The following GALNT2 variants were observed in gnomAD, a reference collection of about 807,000 sequenced individuals.
GALNT2 encodes the protein UDP-GalNAc:polypeptide N-acetylgalactosaminyltransferase 2.
A neutral mutation model predicts 81.4 loss-of-function variants in GALNT2; 31 were observed. That is an observed-to-expected ratio of 0.38 (90% CI 0.29 to 0.51). GALNT2 has a LOEUF of 0.51. Among genes scored for constraint, GALNT2 ranks in the 20% least tolerant of loss-of-function variants. GALNT2 has a pLI of 0.87. For missense variants in GALNT2, 629 were observed against 765.7 expected, an observed-to-expected ratio of 0.82 and a Z score of 2.11; for synonymous variants, 303 against 287.4, an observed-to-expected ratio of 1.05 and a Z score of -0.55.
Position 230,249,347 on chromosome 1 carries a change from G to A in GALNT2, c.905+76G>A, listed in dbSNP as rs567452181. On this transcript the variant is annotated intron_variant, in intron 9 of 15. Transcript: ENST00000366672. Reference sequence around the variant, plus strand: ...CCAGCTTCTTTGCTGGGCCCGCACCGCCTGGAGACCCAGTGGGGGCTGTTC... The same window carrying A: ...CCAGCTTCTTTGCTGGGCCCGCACCACCTGGAGACCCAGTGGGGGCTGTTC... 7.4e-5 allele frequency: 98 copies of A among 1,324,104 alleles called. No homozygotes were observed. In the East Asian group the frequency reaches 1.4e-3, roughly 20 times the overall value. The allele number at this position is 1,324,104 out of a possible 1,614,324, so 82.0% of individuals were successfully genotyped here.
At chr1:230,078,824 G>T (rs1370848980) in intron 1 of GALNT2, among the ~76,000 whole-genome samples, 1 of 152,116 alleles carries the variant, frequency 6.6e-6, no homozygotes, top group African/African-American at 2.4e-5. Context: ...TATTTTTAGA[G>T]TCAGGGTCTC....
intron 1 of GALNT2, among the ~76,000 whole-genome samples, chr1:230,125,963 G>T (rs1464905506): frequency 6.6e-6 from 1 of 152,224 alleles, no homozygotes; most frequent in Non-Finnish European, 1.5e-5. Context: ...TCCCCACCCA[G>T]TGCTCAGAGG....
intron 1 of GALNT2, among the ~76,000 whole-genome samples, chr1:230,107,005 C>G (rs1328782999): frequency 1.3e-5 from 2 of 152,174 alleles, no homozygotes; most frequent in African/African-American, 2.4e-5. Flanking sequence ...ACTCCCGAGT[C>G]CCGGGGCTGG....
intron 1 of GALNT2, among the ~76,000 whole-genome samples, chr1:230,081,195 G>A (rs1025140336): frequency 1.6e-4 from 25 of 152,156 alleles, no homozygotes; most frequent in African/African-American, 6.0e-4. Context: ...TTCTTCCTTG[G>A]GTGGGGAATC....
At chr1:230,225,834 G>A (rs1664693107) in intron 3 of GALNT2, among the ~76,000 whole-genome samples, 2 of 152,156 alleles carry the variant, frequency 1.3e-5, no homozygotes, top group Non-Finnish European at 2.9e-5. Context: ...TTAAAATGAA[G>A]TCTAAGAGCA....
At chr1:230,162,006 AGAC>A (rs1662450911) in intron 1 of GALNT2, among the ~76,000 whole-genome samples, 1 of 152,208 alleles carries the variant, frequency 6.6e-6, no homozygotes, top group East Asian at 1.9e-4. Flanking sequence ...TATTAAAGTA[AGAC>A]TAACCAGCAA....
intron 1 of GALNT2, among the ~76,000 whole-genome samples, chr1:230,076,348 T>G (rs1337697367): frequency 6.6e-6 from 1 of 152,260 alleles, no homozygotes; most frequent in Non-Finnish European, 1.5e-5. Context: ...AAGTGCTTTC[T>G]GCACATATTG....
chr1:230,136,632 C>T (rs543317788), intron 1 of GALNT2, among the ~76,000 whole-genome samples: 6 of 152,176 alleles, frequency 3.9e-5, no homozygotes, highest in Admixed American at 2.6e-4. Flanking sequence ...TGCTCTGCCG[C>T]GCCCCTTCAG....
intron 1 of GALNT2, among the ~76,000 whole-genome samples, chr1:230,132,477 C>T (rs922981448): frequency 6.6e-6 from 1 of 152,196 alleles, no homozygotes; most frequent in African/African-American, 2.4e-5. Context: ...AGGCTGAGTC[C>T]TGCACCCCCT....
At chr1:230,063,701 A>G (rs964112240), upstream of GALNT2, among the ~76,000 whole-genome samples, 2 of 152,216 alleles carry the variant, frequency 1.3e-5, no homozygotes, top group African/African-American at 4.8e-5. Context: ...TCAAATCCTA[A>G]TGATATACAA....
At chr1:230,059,988 G>C (rs986358362) in intron 1 of GALNT2, among the ~76,000 whole-genome samples, 7 of 152,150 alleles carry the variant, frequency 4.6e-5, no homozygotes, top group African/African-American at 1.7e-4. Flanking sequence ...TGGTATATCA[G>C]ACTATGCTAT....
intron 1 of GALNT2, among the ~76,000 whole-genome samples, chr1:230,157,323 A>T (rs1356426349): frequency 1.3e-5 from 2 of 152,194 alleles, no homozygotes; most frequent in African/African-American, 2.4e-5. Flanking sequence ...GGGGGAAAAA[A>T]AGCAAAAATG....
At chr1:230,242,110 C>T (rs927252876) in intron 6 of GALNT2, among the ~76,000 whole-genome samples, 4 of 152,198 alleles carry the variant, frequency 2.6e-5, no homozygotes, top group Non-Finnish European at 5.9e-5. Flanking sequence ...AAAAAGGCTA[C>T]ATTGCAGTGG....
intron 1 of GALNT2, among the ~76,000 whole-genome samples, chr1:230,135,757 G>C (rs1337420313): frequency 1.3e-5 from 2 of 152,084 alleles, no homozygotes; most frequent in Non-Finnish European, 2.9e-5. Flanking sequence ...GGAGTGCAGT[G>C]GTGTGGCAGC....
Position 230,236,067 on chromosome 1 carries a change from C to T in GALNT2, c.428C>T (p.Thr143Met), listed in dbSNP as rs1665018992. 1 of 1,613,990 alleles carries T rather than the reference C, an allele frequency of 6.2e-7. No individual in the cohort carries two copies. The highest frequency in any genetic ancestry group is 8.5e-7 in the Non-Finnish European group (1 of 1,180,010). The change falls in exon 4 of 16, where the codon ACG becomes ATG. Residue 143 changes from threonine (T) to methionine (M), a missense_variant. Transcript: ENST00000366672. ...VDLPATSVVI[T>M]FHNEARSALL... The stretch of plus-strand genomic sequence containing the variant: ...CTGCCGGCCACCAGCGTGGTGATCA[C>T]GTTTCACAATGAAGCCAGGTCGGCC...
At position 230,275,700 on chromosome 1, in the gene GALNT2, TATATACACACCAC is replaced by T. The variant is rs935128201; in HGVS notation, c.1560+1155_1560+1167del. ...TGTATACATATGTAAACACCACATA[TATATACACACCAC>T]ATATACACACCACATATATATATAC... is the stretch of plus-strand genomic sequence containing the variant. On this transcript the variant is annotated intron_variant, in intron 15 of 15. Coordinates refer to ENST00000366672, the MANE Select transcript of GALNT2 (RefSeq NM_004481.5). This position sits in a 1 kb window ranked among gnomAD's most constrained non-coding sequence, Gnocchi z 5.5. Among the ~76,000 whole-genome samples the T allele has an allele frequency of 4.0e-5, 6 of 149,422 alleles. No individual in the cohort carries two copies. The highest frequency in any genetic ancestry group is 7.4e-5 in the Non-Finnish European group (5 of 67,176).
At chr1:230,134,769 C>T (rs770918927) in intron 1 of GALNT2, among the ~76,000 whole-genome samples, 1 of 152,164 alleles carries the variant, frequency 6.6e-6, no homozygotes, top group Non-Finnish European at 1.5e-5. Context: ...GGTGAGGTAT[C>T]GGGGCAAGCC....
intron 1 of GALNT2, among the ~76,000 whole-genome samples, chr1:230,072,167 G>A (rs895764862): frequency 3.3e-5 from 5 of 152,206 alleles, no homozygotes; most frequent in Non-Finnish European, 5.9e-5. Flanking sequence ...AATGATGGGA[G>A]AGGGGGTGGG....
At chr1:230,248,756 C>G (rs867312279) in intron 8 of GALNT2, among the ~76,000 whole-genome samples, 2 of 152,160 alleles carry the variant, frequency 1.3e-5, no homozygotes, top group South Asian at 2.1e-4. Flanking sequence ...TCGTTCCCTC[C>G]CCAGCATTGC....
Sources: gnomAD v4.1 joint callset for allele counts (sites outside exome capture counted in the v4.1 genomes callset) on GRCh38, gnomAD v4.1.1 for gene constraint, Gnocchi (gnomAD v3.1) non-coding constraint, MANE v1.5 for transcripts, NCBI Gene and HGNC (gene_info 2026-07-23, HGNC 2026-07-21) for gene names.